The following CDH20 variants were observed in gnomAD, a reference collection of about 807,000 sequenced individuals.
CDH20 encodes the protein cadherin-20.
Under a neutral mutation model 74.2 loss-of-function variants are expected in CDH20, and 29 were observed. The observed-to-expected ratio is 0.39, with a 90% CI of 0.29 to 0.53. CDH20 has a LOEUF of 0.53. Ranked by LOEUF, CDH20 falls within the 20% of genes least tolerant of loss-of-function variation. CDH20 has a pLI of 0.69. For synonymous variants in CDH20, 469 were observed against 405.4 expected (o/e 1.16, Z -1.88); for missense variants, 988 against 1,048.3 (o/e 0.94, Z 0.79).
intron 1 of CDH20, chr18:61,405,162 T>C (rs796754258): frequency 2.0e-5 from 11 of 555,418 alleles, no homozygotes; most frequent in South Asian, 1.5e-4. Flanking sequence ...GAGCCTAGAA[T>C]TGATCAACTC....
intron 9 of CDH20, among the ~76,000 whole-genome samples, chr18:61,542,771 C>T (rs965528635): frequency 2.6e-5 from 4 of 152,190 alleles, no homozygotes; most frequent in African/African-American, 9.6e-5. Context: ...TGCTTCCATG[C>T]ATGGAGGAAG....
intron 1 of CDH20, among the ~76,000 whole-genome samples, chr18:61,394,885 G>A (rs1911914072): frequency 6.6e-6 from 1 of 151,614 alleles, no homozygotes; most frequent in South Asian, 2.1e-4. Flanking sequence ...CCTCCTGCTT[G>A]GCCTTGGGGT....
At chr18:61,510,805 G>A (rs1911751676) in intron 6 of CDH20, among the ~76,000 whole-genome samples, 1 of 152,042 alleles carries the variant, frequency 6.6e-6, no homozygotes, top group Admixed American at 6.6e-5. Flanking sequence ...ACACATGCTA[G>A]AATTATAATA....
At chr18:61,436,148 C>A (rs1363576380) in intron 1 of CDH20, among the ~76,000 whole-genome samples, 3 of 152,142 alleles carry the variant, frequency 2.0e-5, no homozygotes, top group African/African-American at 7.2e-5. Flanking sequence ...GGCTATAGCA[C>A]ATTTTATGTA....
intron 1 of CDH20, among the ~76,000 whole-genome samples, chr18:61,435,284 C>G (rs1203283293): frequency 6.6e-6 from 1 of 152,128 alleles, no homozygotes; most frequent in Non-Finnish European, 1.5e-5. Flanking sequence ...CCACTATATA[C>G]TACACACAGG....
In CDH20 at chr18:61,554,482, C is replaced by A; in HGVS notation, c.2193C>A (p.Tyr731Ter). 1 of 1,612,934 alleles carries A rather than the reference C, an allele frequency of 6.2e-7. No individual in the cohort carries two copies. The highest frequency in any genetic ancestry group is 8.5e-7 in the Non-Finnish European group (1 of 1,179,732). The change falls in exon 12 of 12, where the codon TAC (tyrosine) becomes TAA (stop). Residue 731 changes from tyrosine to a stop codon, truncating the protein, a stop_gained. Transcript: ENST00000262717. LOFTEE classifies it high-confidence loss of function. ...TVHSYVLAKL[Y>*]EADMDLWAPP... ...ACAGCTACGTGCTGGCCAAGCTCTA[C>A]GAGGCCGACATGGACCTGTGGGCAC...
At chr18:61,440,502 A>G (rs554886149) in intron 1 of CDH20, among the ~76,000 whole-genome samples, 2 of 152,334 alleles carry the variant, frequency 1.3e-5, no homozygotes, top group African/African-American at 4.8e-5. Flanking sequence ...TGCCACAATA[A>G]TAGTATGTAA....
At chr18:61,548,656 C>T (rs1264678109) in intron 10 of CDH20, among the ~76,000 whole-genome samples, 1 of 152,244 alleles carries the variant, frequency 6.6e-6, no homozygotes, top group Admixed American at 6.5e-5. Flanking sequence ...TAATTTCTTG[C>T]TCACATACAG....
chr18:61,374,778 A>G (rs1224435539), intron 1 of CDH20, among the ~76,000 whole-genome samples: 2 of 152,078 alleles, frequency 1.3e-5, no homozygotes, highest in African/African-American at 4.8e-5. Context: ...GCACCTGTCT[A>G]CACAAAGCAA....
rs148374161 is a variant in CDH20 at position 61,448,824 on chromosome 18, G to A, written c.-152-41578G>A. ...AGACTGTTGAAAGGATTAAACTTTG[G>A]TTTAAACAAGATGACCTCTGAAGTT... On this transcript the variant is annotated intron_variant, in intron 1 of 11. Coordinates refer to ENST00000262717, the MANE Select transcript of CDH20 (RefSeq NM_031891.4). Among the ~76,000 whole-genome samples the A allele has an allele frequency of 4.2e-3, 633 of 152,216 alleles. 4 individuals are homozygous for A. Among genetic ancestry groups the A allele is most frequent in the African/African-American group, 0.015 (603 of 41,546 alleles).
chr18:61,374,184 A>G (rs1911133773), intron 1 of CDH20, among the ~76,000 whole-genome samples: 1 of 152,088 alleles, frequency 6.6e-6, no homozygotes, highest in African/African-American at 2.4e-5. Flanking sequence ...AGTCTCCATC[A>G]TTAAACATAA....
chr18:61,541,498 C>G (rs888491205), intron 9 of CDH20, among the ~76,000 whole-genome samples: 1 of 152,092 alleles, frequency 6.6e-6, no homozygotes. Context: ...TTTTTGTAAT[C>G]AAACAAACAT....
chr18:61,418,726 A>G (rs2144268283), intron 1 of CDH20, among the ~76,000 whole-genome samples: 1 of 152,232 alleles, frequency 6.6e-6, no homozygotes, highest in East Asian at 1.9e-4. Context: ...ACTTCCACTT[A>G]TTGGTTCTTA....
intron 1 of CDH20, among the ~76,000 whole-genome samples, chr18:61,403,388 A>C (rs1008721194): frequency 6.6e-6 from 1 of 152,210 alleles, no homozygotes; most frequent in African/African-American, 2.4e-5. Context: ...GTTTTGCTAG[A>C]GTTATCTTTA....
intron 11 of CDH20, among the ~76,000 whole-genome samples, chr18:61,553,332 G>T (rs544900438): frequency 6.6e-6 from 1 of 151,890 alleles, no homozygotes; most frequent in Non-Finnish European, 1.5e-5. Context: ...CGTTTTCAGA[G>T]AGATAAATAG....
At chr18:61,357,147 G>A (rs1390544929) in intron 1 of CDH20, among the ~76,000 whole-genome samples, 1 of 152,088 alleles carries the variant, frequency 6.6e-6, no homozygotes, top group Non-Finnish European at 1.5e-5. Flanking sequence ...ACACCAAGCA[G>A]CCAGAATACT....
chr18:61,461,328 TAAAAA>T (rs33964985), intron 1 of CDH20, among the ~76,000 whole-genome samples: 1,399 of 129,492 alleles, frequency 0.011, 20 homozygotes, highest in African/African-American at 0.035. Context: ...CTGGGTGACT[TAAAAA>T]AAAAAAAAAA....
chr18:61,409,737 A>T (rs1429851734), intron 1 of CDH20, among the ~76,000 whole-genome samples: 1 of 152,218 alleles, frequency 6.6e-6, no homozygotes, highest in African/African-American at 2.4e-5. Flanking sequence ...AACATAACGT[A>T]GTACATTAAC....
chr18:61,477,897 G>T (rs933324193), intron 1 of CDH20, among the ~76,000 whole-genome samples: 4 of 152,054 alleles, frequency 2.6e-5, no homozygotes, highest in Non-Finnish European at 5.9e-5. Flanking sequence ...TAAGCTAATT[G>T]TGAAAGTAAA....
Sources: gnomAD v4.1 joint callset for allele counts (sites outside exome capture counted in the v4.1 genomes callset) on GRCh38, gnomAD v4.1.1 for gene constraint, MANE v1.5 for transcripts, NCBI Gene and HGNC (gene_info 2026-07-23, HGNC 2026-07-21) for gene names.